CLYBL: variants seen among roughly 807,000 people sequenced by gnomAD.
CLYBL encodes citramalyl-CoA lyase, mitochondrial.
Under a neutral mutation model 38.9 loss-of-function variants are expected in CLYBL, and 31 were observed. That is an observed-to-expected ratio of 0.80 (90% CI 0.60 to 1.08). The LOEUF is 1.08. CLYBL is among the 50% of genes least tolerant of loss of function. The pLI is 0.00. For missense variants in CLYBL, 434 were observed against 411.6 expected (o/e 1.05, Z -0.47); for synonymous variants, 171 against 158.6 (o/e 1.08, Z -0.59).
At chr13:99,722,301 G>GCCCT (rs1203347724) in intron 1 of CLYBL, among the ~76,000 whole-genome samples, 1 of 152,196 alleles carries the variant, frequency 6.6e-6, no homozygotes, top group Non-Finnish European at 1.5e-5. Context: ...AGGGCTGACA[G>GCCCT]CCCTCGGTGG....
chr13:99,868,086 G>A (rs2051793989), intron 6 of CLYBL, among the ~76,000 whole-genome samples: 1 of 151,116 alleles, frequency 6.6e-6, no homozygotes, highest in Non-Finnish European at 1.5e-5. Flanking sequence ...GTATTAAATC[G>A]CTAAAAAAAA....
intron 1 of CLYBL, among the ~76,000 whole-genome samples, chr13:99,676,264 A>ATTTCTC (rs1442737498): frequency 5.1e-4 from 57 of 110,754 alleles, no homozygotes; most frequent in African/African-American, 2.0e-3. Flanking sequence ...TTCTTTTTCT[A>ATTTCTC]TTTCTCTTTC....
Position 99,866,408 on chromosome 13 carries a change from G to A in CLYBL, c.802+1G>A. 1 of 1,605,144 alleles carries A rather than the reference G, an allele frequency of 6.2e-7. No individual in the cohort carries two copies. The highest frequency in any genetic ancestry group is 1.1e-5 in the South Asian group (1 of 89,120). On this transcript the variant is annotated splice_donor_variant, in intron 6 of 8. Coordinates refer to ENST00000339105, the MANE Select transcript of CLYBL (RefSeq NM_206808.5). LOFTEE classifies it high-confidence loss of function. ...GAAGGAGCCGCCATGGGCTTCACTGGTATGATTCCTGTCTTAGAAAGCAGT... is the reference window on the plus strand; with the variant it reads ...GAAGGAGCCGCCATGGGCTTCACTGATATGATTCCTGTCTTAGAAAGCAGT...
rs181692023 is a variant in CLYBL at position 99,865,005 on chromosome 13, A to G, written c.634+94A>G. The stretch of plus-strand genomic sequence containing the variant: ...TTGCCCCTCAAGGATGGACATTTAC[A>G]TAACAATGTATATTTGCCAACCATG... On this transcript the variant is annotated intron_variant, in intron 5 of 8. Coordinates refer to ENST00000339105, the MANE Select transcript of CLYBL (RefSeq NM_206808.5). The surrounding 1 kb of genome is among the most constrained non-coding windows in gnomAD (Gnocchi z 4.7). 5.8e-6 allele frequency: 5 copies of G among 868,492 alleles called. No homozygotes were observed. In the East Asian group the frequency reaches 9.9e-5, roughly 17 times the overall value. 53.8% of individuals were successfully genotyped at this position (868,492 alleles called of 1,614,324 possible). A position where few individuals can be genotyped will look rare whatever the true frequency, so the allele number is the denominator to read the frequency against.
intron 2 of CLYBL, among the ~76,000 whole-genome samples, chr13:99,776,216 C>T (rs116884654): frequency 0.013 from 1,908 of 148,442 alleles, 21 homozygotes; most frequent in Non-Finnish European, 0.022. Context: ...TAATCTTGGC[C>T]GGGTGCAGTG....
chr13:99,745,878 T>C (rs1306953760), intron 1 of CLYBL, among the ~76,000 whole-genome samples: 1 of 82,436 alleles, frequency 1.2e-5, no homozygotes, highest in Non-Finnish European at 2.7e-5. Flanking sequence ...CAAGGGACTG[T>C]GGCTAAATAG....
intron 1 of CLYBL, among the ~76,000 whole-genome samples, chr13:99,769,084 G>A (rs932492668): frequency 1.3e-5 from 2 of 152,146 alleles, no homozygotes. Context: ...CCAGCAATCA[G>A]TGATCAGAGC....
intron 8 of CLYBL, 88 bp downstream of exon 8, chr13:99,891,525 C>T (rs894658705): frequency 2.9e-6 from 2 of 695,606 alleles, no homozygotes. Context: ...GACCTGACTC[C>T]ATTTACAGTT....
intron 1 of CLYBL, among the ~76,000 whole-genome samples, chr13:99,723,156 G>T (rs1411779633): frequency 6.6e-6 from 1 of 152,242 alleles, no homozygotes; most frequent in Non-Finnish European, 1.5e-5. Context: ...CCCAGGAGCT[G>T]GCTTTAAAAC....
intron 1 of CLYBL, among the ~76,000 whole-genome samples, chr13:99,771,269 A>G (rs1228859500): frequency 6.6e-6 from 1 of 152,068 alleles, no homozygotes; most frequent in Non-Finnish European, 1.5e-5. Flanking sequence ...GCTGATCTCA[A>G]ACTCTGGGCT....
intron 8 of CLYBL, among the ~76,000 whole-genome samples, chr13:99,903,407 C>A (rs937201825): frequency 2.6e-5 from 4 of 150,978 alleles, no homozygotes; most frequent in Non-Finnish European, 5.9e-5. Context: ...CACACATACA[C>A]TCACACACTC....
intron 7 of CLYBL, among the ~76,000 whole-genome samples, chr13:99,882,554 G>C (rs1025071497): frequency 1.3e-5 from 2 of 152,062 alleles, no homozygotes; most frequent in African/African-American, 4.8e-5. Context: ...TAGTCAGCTA[G>C]TGGGGAGGCT....
chr13:99,823,320 C>A (rs2050622700), intron 2 of CLYBL, among the ~76,000 whole-genome samples: 1 of 152,138 alleles, frequency 6.6e-6, no homozygotes, highest in Admixed American at 6.6e-5. Context: ...TCTCAGCCTA[C>A]CAAGTAGCTG....
At chr13:99,887,673 A>T (rs2052383690) in intron 7 of CLYBL, among the ~76,000 whole-genome samples, 1 of 152,196 alleles carries the variant, frequency 6.6e-6, no homozygotes, top group African/African-American at 2.4e-5. Context: ...GGATGGCCTG[A>T]GCCTGGGAGG....
chr13:99,770,355 T>C (rs1336469236), intron 1 of CLYBL, among the ~76,000 whole-genome samples: 1 of 152,136 alleles, frequency 6.6e-6, no homozygotes, highest in Non-Finnish European at 1.5e-5. Context: ...TCTCGCTCTG[T>C]CACCCAGGGT....
In CLYBL at chr13:99,780,498, G is replaced by A. The variant is rs540769067; in HGVS notation, c.249+7488G>A. The stretch of plus-strand genomic sequence containing the variant: ...TGGGTTCACGCCATTCTGCTGCCTC[G>A]GCCTCCCGAGTAGCTGAGACTACAG... On this transcript the variant is annotated intron_variant, in intron 2 of 8. Transcript: ENST00000339105. Among the ~76,000 whole-genome samples the A allele has an allele frequency of 4.4e-3, 659 of 150,806 alleles. 20 individuals carry two copies. The highest frequency in any genetic ancestry group is 1.8e-3 in the East Asian group (9 of 5,056).
intron 2 of CLYBL, among the ~76,000 whole-genome samples, chr13:99,844,016 G>A (rs2051143093): frequency 6.6e-6 from 1 of 152,232 alleles, no homozygotes; most frequent in South Asian, 2.1e-4. Flanking sequence ...CCCTGCCTGT[G>A]GCTGAGTAAA....
intron 1 of CLYBL, among the ~76,000 whole-genome samples, chr13:99,728,275 CTTTTCTT>C (rs1566303681): frequency 8.4e-5 from 12 of 142,560 alleles, no homozygotes; most frequent in South Asian, 6.7e-4. Flanking sequence ...TGTTTCTTTT[CTTTTCTT>C]TTTTTTTTTT....
intron 2 of CLYBL, among the ~76,000 whole-genome samples, chr13:99,824,247 C>T (rs1016179991): frequency 1.4e-5 from 2 of 142,970 alleles, no homozygotes; most frequent in African/African-American, 5.2e-5. Context: ...TGAAAGCCTT[C>T]TGACTAATAG....
Sources: allele counts gnomAD v4.1 joint callset (sites outside exome capture counted in the v4.1 genomes callset), GRCh38; gene constraint gnomAD v4.1.1; non-coding constraint Gnocchi (gnomAD v3.1); transcripts MANE v1.5; gene names NCBI Gene and HGNC (gene_info 2026-07-23, HGNC 2026-07-21).